FAM149B1: variants seen among roughly 807,000 people sequenced by gnomAD.
The protein encoded by FAM149B1 is primary cilium assembly protein FAM149B1.
FAM149B1 carries 56 observed loss-of-function variants against 75.3 expected under a neutral mutation model. The ratio of observed to expected loss-of-function variants is 0.74; its 90% CI spans 0.60 to 0.93. The LOEUF (loss-of-function observed/expected upper bound fraction) is 0.93, where lower values mean the gene tolerates loss of function less well. Ranked by LOEUF, FAM149B1 falls within the 40% of genes least tolerant of loss-of-function variation. FAM149B1 has a pLI of 0.00. For missense variants in FAM149B1, 639 were observed against 708.4 expected, an observed-to-expected ratio of 0.90 and a Z score of 1.11; for synonymous variants, 259 against 256.1, an observed-to-expected ratio of 1.01 and a Z score of -0.11.
At chr10:73,192,824 T>C (rs2042715986) in intron 4 of FAM149B1, 126 bp downstream of exon 4, 19 of 912,766 alleles carry the variant, frequency 2.1e-5, no homozygotes, top group Non-Finnish European at 3.0e-5. Flanking sequence ...AATAAGGCCA[T>C]GTGGTATAAA....
chr10:73,210,112 T>C (rs993921237), intron 6 of FAM149B1, 139 bp from the exon 7 acceptor site: 1 of 621,252 alleles, frequency 1.6e-6, no homozygotes, highest in Non-Finnish European at 2.8e-6. Context: ...TTATTACTTC[T>C]ATTTGGCCTT....
intron 1 of FAM149B1, among the ~76,000 whole-genome samples, chr10:73,172,981 T>A (rs184054388): frequency 6.6e-6 from 1 of 151,174 alleles, no homozygotes; most frequent in African/African-American, 2.4e-5. Context: ...TAGCCAAGTG[T>A]GGTGGTGAGT....
chr10:73,217,479 G>A (rs2043322918), intron 7 of FAM149B1, among the ~76,000 whole-genome samples: 1 of 152,166 alleles, frequency 6.6e-6, no homozygotes, highest in African/African-American at 2.4e-5. Context: ...TCTCTGTTTA[G>A]GGTTTCACCT....
chr10:73,239,064 T>C (rs1230696699), intron 12 of FAM149B1: 2 of 403,336 alleles, frequency 5.0e-6, no homozygotes, highest in Non-Finnish European at 8.9e-6. Context: ...TTATAACTCC[T>C]GATTTCCTTA....
At chr10:73,208,089 G>A (rs1328508989) in intron 5 of FAM149B1, among the ~76,000 whole-genome samples, 2 of 152,238 alleles carry the variant, frequency 1.3e-5, no homozygotes, top group African/African-American at 4.8e-5. Flanking sequence ...GGTGGGAGGT[G>A]TTTGGGTCAT....
In FAM149B1 at chr10:73,174,576, A is replaced by G. The variant is rs1843859357; in HGVS notation, c.48-111A>G. Reference sequence around the variant, plus strand: ...TTTAATCACTGGTGGCTACCATATCAGACAGTGCAGTTCCAGAGCAGAGGA... The same window carrying G: ...TTTAATCACTGGTGGCTACCATATCGGACAGTGCAGTTCCAGAGCAGAGGA... On this transcript the variant is annotated intron_variant, in intron 1 of 13. Coordinates refer to ENST00000242505, the MANE Select transcript of FAM149B1 (RefSeq NM_173348.2). 4 of 727,700 alleles carry G rather than the reference A, an allele frequency of 5.5e-6. No homozygotes were observed. In the South Asian group the frequency reaches 5.7e-5, roughly 10 times the overall value. The allele number at this position is 727,700 out of a possible 1,614,324, so 45.1% of individuals were successfully genotyped here.
At chr10:73,181,169 G>A (rs2042388595) in intron 3 of FAM149B1, among the ~76,000 whole-genome samples, 1 of 151,988 alleles carries the variant, frequency 6.6e-6, no homozygotes, top group South Asian at 2.1e-4. Context: ...ACCACACCCA[G>A]CTAATTTTTT....
rs773678698 is a variant in FAM149B1, at chr10:73,243,354, G to A, written c.*2335G>A. 11 of 1,606,272 alleles carry A rather than the reference G, an allele frequency of 6.8e-6. No homozygotes were observed. The highest frequency in any genetic ancestry group is 4.5e-5 in the East Asian group (2 of 44,818). Reference sequence around the variant, plus strand: ...CAAATCCTGCCTGCACCTTGCCTACGATGGCATCAATTTACACCTAAGGAC... The same window carrying A: ...CAAATCCTGCCTGCACCTTGCCTACAATGGCATCAATTTACACCTAAGGAC... On this transcript the variant is annotated 3_prime_UTR_variant, in exon 14 of 14. Coordinates refer to ENST00000242505, the MANE Select transcript of FAM149B1 (RefSeq NM_173348.2).
At chr10:73,236,182 G>C (rs1299511902) in intron 12 of FAM149B1, among the ~76,000 whole-genome samples, 1 of 151,916 alleles carries the variant, frequency 6.6e-6, no homozygotes, top group African/African-American at 2.4e-5. Flanking sequence ...TCAGACCTCT[G>C]TATTAGTTTC....
chr10:73,227,128 C>T (rs946861970), intron 7 of FAM149B1, among the ~76,000 whole-genome samples: 1 of 152,108 alleles, frequency 6.6e-6, no homozygotes, highest in African/African-American at 2.4e-5. Context: ...CACTCTGTTG[C>T]CCAGGCTGGA....
intron 3 of FAM149B1, among the ~76,000 whole-genome samples, chr10:73,190,950 C>T (rs2042667949): frequency 6.6e-6 from 1 of 151,852 alleles, no homozygotes; most frequent in South Asian, 2.1e-4. Flanking sequence ...AACTTCTGGC[C>T]TCAAGTGATC....
chr10:73,225,950 G>T (rs905050624), intron 7 of FAM149B1, among the ~76,000 whole-genome samples: 9 of 152,152 alleles, frequency 5.9e-5, no homozygotes, highest in Admixed American at 5.2e-4. Flanking sequence ...TTTAGCTAAG[G>T]TGTGTAATAG....
chr10:73,219,221 TGAAA>T (rs2043356674), intron 7 of FAM149B1, among the ~76,000 whole-genome samples: 1 of 152,158 alleles, frequency 6.6e-6, no homozygotes, highest in Non-Finnish European at 1.5e-5. Context: ...ACTTCCACAC[TGAAA>T]ACTATGTAAT....
In FAM149B1 at chr10:73,169,314, A is replaced by C. The variant is rs1048170258; in HGVS notation, c.47+928A>C. Among the ~76,000 whole-genome samples, 30 of 152,174 alleles carry C rather than the reference A, an allele frequency of 2.0e-4. 1 individual carries two copies. Among genetic ancestry groups the C allele is most frequent in the African/African-American group, 7.0e-4 (29 of 41,546 alleles). On this transcript the variant is annotated intron_variant, in intron 1 of 13. Coordinates refer to ENST00000242505, the MANE Select transcript of FAM149B1 (RefSeq NM_173348.2). Reference sequence around the variant, plus strand: ...CACTCCAGTCTGGGTGACAAGAGTGAAACTCCGTCTCAAAATAAATAAATA... The same window carrying C: ...CACTCCAGTCTGGGTGACAAGAGTGCAACTCCGTCTCAAAATAAATAAATA...
At chr10:73,236,250 C>T (rs1051905421) in intron 12 of FAM149B1, among the ~76,000 whole-genome samples, 1 of 152,108 alleles carries the variant, frequency 6.6e-6, no homozygotes, top group African/African-American at 2.4e-5. Context: ...AAATTTTTTC[C>T]TCACAGTTCC....
intron 9 of FAM149B1, among the ~76,000 whole-genome samples, chr10:73,231,625 T>G (rs772743298): frequency 8.8e-5 from 13 of 147,168 alleles, no homozygotes; most frequent in Non-Finnish European, 1.9e-4. Flanking sequence ...GAGAAACGAA[T>G]GAGCTATTTT....
chr10:73,221,987 A>T lies in FAM149B1; in HGVS notation c.899-6073A>T, dbSNP rs151168703. ...AAAGTATGATTTGAGAGAGACATATATATTTTCCATGTCTCTATTTGATAT... is the reference window on the plus strand; with the variant it reads ...AAAGTATGATTTGAGAGAGACATATTTATTTTCCATGTCTCTATTTGATAT... On this transcript the variant is annotated intron_variant, in intron 7 of 13. Transcript: ENST00000242505. Among the ~76,000 whole-genome samples the T allele has an allele frequency of 3.5e-3, 526 of 152,302 alleles. 4 individuals are homozygous for T. Among genetic ancestry groups the T allele is most frequent in the African/African-American group, 0.012 (493 of 41,556 alleles).
rs990383847 is a variant in FAM149B1 at position 73,224,710 on chromosome 10, G to C, written c.899-3350G>C. Among the ~76,000 whole-genome samples, 5 of 152,110 alleles carry C rather than the reference G, an allele frequency of 3.3e-5. 1 individual carries two copies. Among genetic ancestry groups the C allele is most frequent in the African/African-American group, 1.2e-4 (5 of 41,418 alleles). On this transcript the variant is annotated intron_variant, in intron 7 of 13. Coordinates refer to ENST00000242505, the MANE Select transcript of FAM149B1 (RefSeq NM_173348.2). ...TGGTCTCGAACTCCTGACCTCAGGT[G>C]ATCTGCCCACCTCGGCCTCCCAAAG...
intron 2 of FAM149B1, among the ~76,000 whole-genome samples, chr10:73,175,399 G>A (rs1450539506): frequency 6.6e-6 from 1 of 151,974 alleles, no homozygotes; most frequent in African/African-American, 2.4e-5. Flanking sequence ...GCCGGGCGCG[G>A]TGGCTCACGC....
Sources: allele counts gnomAD v4.1 joint callset (sites outside exome capture counted in the v4.1 genomes callset), GRCh38; gene constraint gnomAD v4.1.1; transcripts MANE v1.5; gene names NCBI Gene and HGNC (gene_info 2026-07-23, HGNC 2026-07-21).